TANK: variants seen among roughly 807,000 people sequenced by gnomAD.
The protein encoded by TANK is TRAF family member-associated NF-kappa-B activator.
In TANK, 15 loss-of-function variants were observed where a neutral mutation model predicts 43.6. The observed-to-expected ratio is 0.34, with a 90% CI of 0.23 to 0.53. The LOEUF is 0.53. TANK is among the 20% of genes least tolerant of loss of function. The probability of loss-of-function intolerance (pLI) is 0.94; values close to 1 mark genes in which losing one functional copy is unlikely to be tolerated. For missense variants in TANK, 417 were observed against 498.6 expected, an observed-to-expected ratio of 0.84 and a Z score of 1.56; for synonymous variants, 162 against 178.2, an observed-to-expected ratio of 0.91 and a Z score of 0.73.
chr2:161,161,431 G>A, intron 1 of TANK: 1 of 1,550,580 alleles, frequency 6.4e-7, no homozygotes, highest in Non-Finnish European at 8.7e-7. Flanking sequence ...GAAGCAAGCA[G>A]TGCATTCTGT....
chr2:161,141,039 A>T (rs1683732879), intron 1 of TANK, among the ~76,000 whole-genome samples: 1 of 152,014 alleles, frequency 6.6e-6, no homozygotes, highest in Admixed American at 6.6e-5. Context: ...GGGTTTTCTT[A>T]TTTTTTCCCT....
In TANK at chr2:161,144,790, A is replaced by G. The variant is rs533793232; in HGVS notation, c.-50+7727A>G. Among the ~76,000 whole-genome samples, 7 of 152,276 alleles carry G rather than the reference A, an allele frequency of 4.6e-5. No homozygotes were observed. In the South Asian group the frequency reaches 1.5e-3, roughly 32 times the overall value. ...TATATTCTGTTGATTTGGGGTGGAC[A>G]GTTTTGTAGATTTCTATTAGGTCCA... On this transcript the variant is annotated intron_variant, in intron 1 of 7. Coordinates refer to the TANK transcript ENST00000259075.
At chr2:161,225,124 C>T (rs1205278032) in intron 6 of TANK, among the ~76,000 whole-genome samples, 1 of 152,162 alleles carries the variant, frequency 6.6e-6, no homozygotes, top group African/African-American at 2.4e-5. Flanking sequence ...CTTGAAGCCA[C>T]ACTACCATAT....
At chr2:161,180,443 A>G (rs1685367448) in intron 2 of TANK, among the ~76,000 whole-genome samples, 1 of 152,206 alleles carries the variant, frequency 6.6e-6, no homozygotes, top group African/African-American at 2.4e-5. Flanking sequence ...ATCTGCAGCA[A>G]AATGAGAAAA....
chr2:161,191,542 A>T (rs1685913672), intron 2 of TANK, among the ~76,000 whole-genome samples: 1 of 152,210 alleles, frequency 6.6e-6, no homozygotes, highest in Non-Finnish European at 1.5e-5. Flanking sequence ...AAATCTTATG[A>T]GGAAGTATTA....
At chr2:161,230,248 C>G (rs1326160810) in intron 6 of TANK, among the ~76,000 whole-genome samples, 1 of 152,112 alleles carries the variant, frequency 6.6e-6, no homozygotes, top group Non-Finnish European at 1.5e-5. Context: ...TAGCTTTTGA[C>G]TGTGTCCTAC....
At chr2:161,215,920 A>G (rs576474114) in intron 4 of TANK, among the ~76,000 whole-genome samples, 56 of 152,250 alleles carry the variant, frequency 3.7e-4, no homozygotes, top group African/African-American at 1.3e-3. Context: ...TCTAAGCTAT[A>G]TATCTTAGAA....
chr2:161,229,949 T>G (rs1202341607), intron 6 of TANK, among the ~76,000 whole-genome samples: 3 of 152,222 alleles, frequency 2.0e-5, no homozygotes, highest in Admixed American at 6.5e-5. Flanking sequence ...GATTGTTTTT[T>G]TGTATTGAGC....
chr2:161,221,729 C>T (rs1250018096), intron 4 of TANK, among the ~76,000 whole-genome samples: 2 of 150,806 alleles, frequency 1.3e-5, no homozygotes, highest in Non-Finnish European at 2.9e-5. Context: ...TCTTGGGTAC[C>T]GGGAACTCAG....
intron 6 of TANK, among the ~76,000 whole-genome samples, chr2:161,226,807 A>G (rs946184563): frequency 7.5e-5 from 2 of 26,600 alleles, no homozygotes; most frequent in Admixed American, 1.4e-3. Flanking sequence ...GGAGTGTCCA[A>G]TTTCAGTAGA....
At chr2:161,187,925 G>T (rs1574006007) in intron 2 of TANK, among the ~76,000 whole-genome samples, 1 of 152,118 alleles carries the variant, frequency 6.6e-6, no homozygotes, top group Non-Finnish European at 1.5e-5. Context: ...TCACAACTAT[G>T]TACAAATTAA....
intron 6 of TANK, among the ~76,000 whole-genome samples, chr2:161,225,711 T>C (rs1177383187): frequency 6.6e-6 from 1 of 152,186 alleles, no homozygotes; most frequent in African/African-American, 2.4e-5. Context: ...GTTTTCACTC[T>C]GAGAGATGTT....
chr2:161,157,103 C>T (rs543611404), upstream of TANK, among the ~76,000 whole-genome samples: 2 of 152,346 alleles, frequency 1.3e-5, no homozygotes, highest in East Asian at 1.9e-4. Context: ...TTAGCCATCA[C>T]ACATAGTAGT....
chr2:161,210,607 G>A lies in TANK; in HGVS notation c.327+5814G>A, dbSNP rs192210876. 2.7e-3 allele frequency among the ~76,000 whole-genome samples: 411 copies of A among 151,348 alleles called. 3 individuals carry two copies. Among genetic ancestry groups the A allele is most frequent in the African/African-American group, 9.7e-3 (402 of 41,244 alleles). On this transcript the variant is annotated intron_variant, in intron 4 of 7. Coordinates refer to ENST00000392749, the MANE Select transcript of TANK (RefSeq NM_001199135.3). ...AGCCACTTGAGAGGCTGAAGCAGGA[G>A]AATTGCTTGAACCCGGGAGGCGGAG... is the stretch of plus-strand genomic sequence containing the variant.
intron 1 of TANK, among the ~76,000 whole-genome samples, chr2:161,154,817 T>C (rs1309534438): frequency 1.3e-5 from 2 of 151,778 alleles, no homozygotes; most frequent in East Asian, 1.9e-4. Context: ...CCATCTCAGG[T>C]CACTGCAACC....
intron 4 of TANK, among the ~76,000 whole-genome samples, chr2:161,210,526 G>A (rs960121211): frequency 3.3e-5 from 5 of 151,774 alleles, no homozygotes; most frequent in South Asian, 2.1e-4. Context: ...ATGAAACCCC[G>A]TCTCTACTAA....
chr2:161,179,632 C>A lies in TANK; in HGVS notation c.-31C>A. 6.2e-7 allele frequency: 1 copy of A among 1,611,414 alleles called. No homozygotes were observed. The highest frequency in any genetic ancestry group is 1.3e-5 in the African/African-American group (1 of 74,896). On this transcript the variant is annotated 5_prime_UTR_variant, in exon 2 of 8. Coordinates refer to ENST00000392749, the MANE Select transcript of TANK (RefSeq NM_001199135.3). ...TTTGCAGACCTGTCATTTACTCCAT[C>A]CTTTATAGTGATGCTACAGGACGAA...
At chr2:161,166,558 A>AT (rs536637036) in intron 1 of TANK, among the ~76,000 whole-genome samples, 24 of 152,094 alleles carry the variant, frequency 1.6e-4, no homozygotes, top group Non-Finnish European at 2.4e-4. Flanking sequence ...TTGTTGACTG[A>AT]TTTTTTTGCT....
At chr2:161,137,667 T>C (rs1683625885) in intron 1 of TANK, among the ~76,000 whole-genome samples, 1 of 152,112 alleles carries the variant, frequency 6.6e-6, no homozygotes, top group East Asian at 1.9e-4. Flanking sequence ...CCTGATCCAG[T>C]GTGTCTATAC....
Sources: allele counts gnomAD v4.1 joint callset (sites outside exome capture counted in the v4.1 genomes callset), GRCh38; gene constraint gnomAD v4.1.1; transcripts MANE v1.5; gene names NCBI Gene and HGNC (gene_info 2026-07-23, HGNC 2026-07-21).